Variants in OSBP observed in about 807,000 individuals in gnomAD.
OSBP encodes the protein oxysterol binding protein.
A neutral mutation model predicts 96.6 loss-of-function variants in OSBP; 32 were observed. The ratio of observed to expected loss-of-function variants is 0.33; its 90% CI spans 0.25 to 0.45. The LOEUF (loss-of-function observed/expected upper bound fraction) is 0.45. OSBP is among the 20% of genes least tolerant of loss of function. OSBP has a pLI of 1.00. For synonymous variants in OSBP, 369 were observed against 389.6 expected (o/e 0.95, Z 0.62); for missense variants, 653 against 1,029.7 (o/e 0.63, Z 5.01).
chr11:59,597,985 C>T (rs1860678924), intron 7 of OSBP, among the ~76,000 whole-genome samples: 1 of 152,128 alleles, frequency 6.6e-6, no homozygotes, highest in Non-Finnish European at 1.5e-5. Context: ...GGATTACAGG[C>T]ATGAGCCACT....
At position 59,606,433 on chromosome 11, in the gene OSBP, GA is replaced by G. The variant is rs113920601; in HGVS notation, c.822+2050del. 1.7e-3 allele frequency among the ~76,000 whole-genome samples: 221 copies of G among 128,264 alleles called. 1 individual carries two copies. The highest frequency in any genetic ancestry group is 3.8e-3 in the Middle Eastern group (1 of 262). 84.1% of individuals were successfully genotyped at this position (128,264 alleles called of 152,430 possible). ...TCCTAACTGAATTAATGCAGACACAGAAAAAAAAAAAAAACACATCTTCTCA... is the reference window on the plus strand; with the variant it reads ...TCCTAACTGAATTAATGCAGACACAGAAAAAAAAAAAAACACATCTTCTCA... On this transcript the variant is annotated intron_variant, in intron 3 of 13. Coordinates refer to ENST00000263847, the MANE Select transcript of OSBP (RefSeq NM_002556.3).
At chr11:59,599,255 T>A (rs933262986) in intron 7 of OSBP, among the ~76,000 whole-genome samples, 1 of 152,188 alleles carries the variant, frequency 6.6e-6, no homozygotes, top group Non-Finnish European at 1.5e-5. Context: ...GATACGTAAA[T>A]GAAAGAGTAT....
At chr11:59,589,167 T>G (rs1590670499) in intron 9 of OSBP, among the ~76,000 whole-genome samples, 1 of 111,538 alleles carries the variant, frequency 9.0e-6, no homozygotes, top group African/African-American at 3.4e-5. Context: ...TTTTTTTTTT[T>G]GTAGAGATGG....
chr11:59,574,810 G>A lies in OSBP; in HGVS notation c.*1767C>T, dbSNP rs538407475. On this transcript the variant is annotated 3_prime_UTR_variant, in exon 14 of 14. Transcript: ENST00000263847. ...AACTAGGAAGGAAGGGATAGGGGAA[G>A]AAATAAAAGTATTAATTTACCCAGT... 1 of 152,722 alleles carries A rather than the reference G, an allele frequency of 6.5e-6. No homozygotes were observed. The highest frequency in any genetic ancestry group is 2.4e-5 in the African/African-American group (1 of 41,552). The allele number at this position is 152,722 out of a possible 1,614,324, so 9.5% of individuals were successfully genotyped here.
chr11:59,575,735 A>T lies in OSBP; in HGVS notation c.*842T>A, dbSNP rs1362087818. 1 of 152,432 alleles carries T rather than the reference A, an allele frequency of 6.6e-6. No homozygotes were observed. Among genetic ancestry groups the T allele is most frequent in the Non-Finnish European group, 1.5e-5 (1 of 68,066 alleles). 9.4% of individuals were successfully genotyped at this position (152,432 alleles called of 1,614,324 possible). On this transcript the variant is annotated 3_prime_UTR_variant, in exon 14 of 14. Coordinates refer to ENST00000263847, the MANE Select transcript of OSBP (RefSeq NM_002556.3). ...AGAAGAGAAGCCAGAAAGACAATGA[A>T]GGATGGCATTAAGGGGGGTTGGGAA...
intron 9 of OSBP, among the ~76,000 whole-genome samples, chr11:59,588,524 A>C (rs1860531461): frequency 6.7e-6 from 1 of 149,728 alleles, no homozygotes; most frequent in African/African-American, 2.5e-5. Context: ...TGAGAGAGTG[A>C]GACTCGGTCT....
Position 59,580,212 on chromosome 11 carries a change from C to T in OSBP, c.1840G>A (p.Val614Ile). ...TCCCGAGAGAAGTAGCTATAAGGAA[C>T]AAATTTAAGATTACACTTGTCTCCT... ...KTGDKCNLKF[V>I]PYSYFSRDVA... The change falls in exon 11 of 14, where the codon GTT becomes ATT. Residue 614 changes from valine to isoleucine, a missense_variant. Coordinates refer to ENST00000263847, the MANE Select transcript of OSBP (RefSeq NM_002556.3). The T allele has an allele frequency of 6.2e-7, 1 of 1,612,966 alleles. No individual in the cohort carries two copies. Among genetic ancestry groups the T allele is most frequent in the Non-Finnish European group, 8.5e-7 (1 of 1,179,076 alleles).
rs1860419588 is a variant in OSBP, at chr11:59,581,492, T to C, written c.1741A>G (p.Thr581Ala). 6.2e-7 allele frequency: 1 copy of C among 1,612,766 alleles called. No homozygotes were observed. Among genetic ancestry groups the C allele is most frequent in the Non-Finnish European group, 8.5e-7 (1 of 1,178,990 alleles). The part of the protein sequence containing the change: ...HHYTWKKVTT[T>A]VHNIIVGKLW... ...TTGCCCACAATAATGTTGTGTACAG[T>C]TGTGGTAACTTTCTTCCAAGTGTAG... Residue 581 changes from threonine to alanine, a missense_variant, in exon 10 of 14, where the codon ACT (threonine) becomes GCT (alanine). Thr to Ala is a moderately conservative substitution (Grantham distance 58, BLOSUM62 0). This residue lies in a region of OSBP where 19 missense variants were observed against 16.1 expected (regional missense o/e 1.18). Coordinates refer to ENST00000263847, the MANE Select transcript of OSBP (RefSeq NM_002556.3).
chr11:59,584,215 A>G (rs1284583680), intron 9 of OSBP, among the ~76,000 whole-genome samples: 7 of 151,988 alleles, frequency 4.6e-5, no homozygotes, highest in African/African-American at 1.7e-4. Context: ...CCAAAGTACT[A>G]GGATTACAGG....
chr11:59,583,856 T>A (rs1034192390), intron 9 of OSBP, among the ~76,000 whole-genome samples: 1 of 151,174 alleles, frequency 6.6e-6, no homozygotes, highest in Admixed American at 6.6e-5. Context: ...GCCAGGCTGG[T>A]CTCAAACTAC....
At chr11:59,581,411 T>TC (rs1860418666) in intron 10 of OSBP, 40 bp downstream of exon 10, 1 of 1,150,728 alleles carries the variant, frequency 8.7e-7, no homozygotes, top group South Asian at 1.3e-5. Flanking sequence ...AAAGAAGTAT[T>TC]CTTTTAAACT....
At chr11:59,581,338 G>C (rs1171800700) in intron 10 of OSBP, 113 bp downstream of exon 10, 1 of 517,410 alleles carries the variant, frequency 1.9e-6, no homozygotes, top group Non-Finnish European at 3.5e-6. Flanking sequence ...AGGAGAAACT[G>C]ATGAATCAGT....
chr11:59,609,875 G>C (rs544143688), intron 2 of OSBP, among the ~76,000 whole-genome samples: 2 of 152,282 alleles, frequency 1.3e-5, no homozygotes, highest in South Asian at 4.1e-4. Context: ...AACTAACAAA[G>C]AGTTAAGTAA....
At chr11:59,614,163 T>C (rs982882912) in intron 1 of OSBP, among the ~76,000 whole-genome samples, 2 of 152,230 alleles carry the variant, frequency 1.3e-5, no homozygotes, top group Non-Finnish European at 2.9e-5. Context: ...TAAGCAATTA[T>C]CTCTGTAACT....
chr11:59,587,046 T>A (rs749824399), intron 9 of OSBP, among the ~76,000 whole-genome samples: 27 of 152,028 alleles, frequency 1.8e-4, no homozygotes, highest in South Asian at 2.1e-4. Context: ...TTAAAAAAAA[T>A]TTGTGCAATA....
chr11:59,614,365 C>T (rs1860893915), intron 1 of OSBP, among the ~76,000 whole-genome samples: 1 of 152,158 alleles, frequency 6.6e-6, no homozygotes, highest in African/African-American at 2.4e-5. Context: ...TAATGAAATA[C>T]TGTATATAAA....
At chr11:59,580,711 G>C (rs1189793702) in intron 10 of OSBP, among the ~76,000 whole-genome samples, 1 of 151,428 alleles carries the variant, frequency 6.6e-6, no homozygotes, top group African/African-American at 2.4e-5. Flanking sequence ...TAGAGACAAG[G>C]TCTCACTATA....
intron 3 of OSBP, among the ~76,000 whole-genome samples, chr11:59,608,003 T>C (rs926728908): frequency 5.3e-5 from 8 of 152,228 alleles, no homozygotes; most frequent in Non-Finnish European, 1.2e-4. Context: ...TACCACCCTT[T>C]ATGCCTGAAT....
rs2134675825 is a variant in OSBP at position 59,608,816 on chromosome 11, A to G, written c.572-82T>C. 4 of 1,368,798 alleles carry G rather than the reference A, an allele frequency of 2.9e-6. No homozygotes were observed. In the Admixed American group the frequency reaches 6.9e-5, roughly 24 times the overall value. The allele number at this position is 1,368,798 out of a possible 1,614,324, so 84.8% of individuals were successfully genotyped here. ...CCCTACCTACTCTGTCCAGAAACAA[A>G]CCAACATTCCTCATGCTGTGTGCAT... is the stretch of plus-strand genomic sequence containing the variant. On this transcript the variant is annotated intron_variant, in intron 2 of 13. Coordinates refer to ENST00000263847, the MANE Select transcript of OSBP (RefSeq NM_002556.3).
Sources: gnomAD v4.1 joint callset for allele counts (sites outside exome capture counted in the v4.1 genomes callset) on GRCh38, gnomAD v4.1.1 for gene constraint, gnomAD v4.1.1 regional missense constraint, MANE v1.5 for transcripts, NCBI Gene and HGNC (gene_info 2026-07-23, HGNC 2026-07-21) for gene names.